PTPRE: variants seen among roughly 807,000 people sequenced by gnomAD.
PTPRE encodes protein tyrosine phosphatase receptor type E.
PTPRE carries 51 observed loss-of-function variants against 102.0 expected under a neutral mutation model. That is an observed-to-expected ratio of 0.50 (90% confidence interval 0.40 to 0.63). The LOEUF (loss-of-function observed/expected upper bound fraction) is 0.63. PTPRE is among the 30% of genes least tolerant of loss of function. The probability of loss-of-function intolerance (pLI) is 0.00; values close to 1 mark genes in which losing one functional copy is unlikely to be tolerated. For missense variants in PTPRE, 752 were observed against 915.1 expected, an observed-to-expected ratio of 0.82 and a Z score of 2.30; for synonymous variants, 345 against 348.2, an observed-to-expected ratio of 0.99 and a Z score of 0.10.
intron 2 of PTPRE, among the ~76,000 whole-genome samples, chr10:128,025,609 T>G (rs1416456514): frequency 6.6e-6 from 1 of 152,182 alleles, no homozygotes; most frequent in Non-Finnish European, 1.5e-5. Flanking sequence ...AGCTTCTCCA[T>G]GCAGCCTCAT....
intron 17 of PTPRE, among the ~76,000 whole-genome samples, chr10:128,073,873 C>T (rs1323504388): frequency 1.3e-5 from 2 of 152,146 alleles, no homozygotes; most frequent in Non-Finnish European, 2.9e-5. Flanking sequence ...ATAACTACTG[C>T]TGTGTATTTG....
At chr10:128,077,837 C>T in intron 19 of PTPRE, 54 bp downstream of exon 19, 2 of 1,537,596 alleles carry the variant, frequency 1.3e-6, no homozygotes, top group Non-Finnish European at 8.8e-7. Context: ...CTGCACCCCC[C>T]CAGTACCCGC....
At chr10:127,964,641 C>T (rs1289671211) in intron 1 of PTPRE, among the ~76,000 whole-genome samples, 3 of 151,112 alleles carry the variant, frequency 2.0e-5, no homozygotes, top group Non-Finnish European at 4.4e-5. Context: ...ATTAATAAGT[C>T]TCACTGTCTC....
intron 6 of PTPRE, among the ~76,000 whole-genome samples, chr10:128,055,092 G>A (rs1027387427): frequency 2.6e-5 from 4 of 152,128 alleles, no homozygotes; most frequent in African/African-American, 7.2e-5. Flanking sequence ...AGATGACCCA[G>A]CTCCTTCCAC....
At position 127,921,681 on chromosome 10, in the gene PTPRE, G is replaced by A. The variant is rs139024681; in HGVS notation, c.-31+14372G>A. ...CCTCAGAGTCACAGGGGAGGTTCCCGAGAGCCTCCTGCTTGGACCCTGCTC... is the reference window on the plus strand; with the variant it reads ...CCTCAGAGTCACAGGGGAGGTTCCCAAGAGCCTCCTGCTTGGACCCTGCTC... On this transcript the variant is annotated intron_variant, in intron 1 of 20. Transcript: ENST00000254667. Among the ~76,000 whole-genome samples, 1,164 of 152,294 alleles carry A rather than the reference G, an allele frequency of 7.6e-3. 6 individuals carry two copies. Among genetic ancestry groups the A allele is most frequent in the Admixed American group, 0.014 (217 of 15,296 alleles).
chr10:128,023,055 C>T (rs913103438), intron 2 of PTPRE, among the ~76,000 whole-genome samples: 6 of 152,190 alleles, frequency 3.9e-5, no homozygotes, highest in African/African-American at 1.4e-4. Flanking sequence ...GTTTCAGTTA[C>T]CCACGGTCAA....
chr10:128,036,920 G>T (rs1263119024), intron 2 of PTPRE, among the ~76,000 whole-genome samples: 4 of 152,136 alleles, frequency 2.6e-5, no homozygotes, highest in Non-Finnish European at 5.9e-5. Flanking sequence ...ACCACTCTCC[G>T]GCCGCAAAGG....
At chr10:127,921,786 G>C (rs2135183468) in intron 1 of PTPRE, among the ~76,000 whole-genome samples, 1 of 152,302 alleles carries the variant, frequency 6.6e-6, no homozygotes, top group Non-Finnish European at 1.5e-5. Flanking sequence ...TTCCAAGTGT[G>C]GCCAGGGTGG....
intron 2 of PTPRE, among the ~76,000 whole-genome samples, chr10:128,021,476 G>A (rs1164682599): frequency 2.6e-5 from 4 of 152,226 alleles, no homozygotes; most frequent in Non-Finnish European, 5.9e-5. Context: ...GTAGCCTCAG[G>A]TTGCCTTCAG....
chr10:128,077,577 G>T, intron 18 of PTPRE, 40 bp from the exon 19 acceptor site: 1 of 1,571,484 alleles, frequency 6.4e-7, no homozygotes. Flanking sequence ...CCTGTTCCCC[G>T]GCAGGCAGGC....
chr10:127,945,300 T>C (rs1848547961), intron 1 of PTPRE, among the ~76,000 whole-genome samples: 1 of 152,210 alleles, frequency 6.6e-6, no homozygotes, highest in Admixed American at 6.5e-5. Flanking sequence ...CTTGCGGAAC[T>C]GGCAACTCAA....
chr10:127,913,607 A>C (rs1846012009), intron 1 of PTPRE, among the ~76,000 whole-genome samples: 1 of 152,114 alleles, frequency 6.6e-6, no homozygotes, highest in Non-Finnish European at 1.5e-5. Context: ...TGCGGTGCAG[A>C]CTGGTTTGCT....
At chr10:127,950,954 G>A (rs922295078) in intron 1 of PTPRE, among the ~76,000 whole-genome samples, 31 of 151,998 alleles carry the variant, frequency 2.0e-4, no homozygotes, top group African/African-American at 6.8e-4. Flanking sequence ...AAAATTAGCC[G>A]GGCATCGTGG....
chr10:127,907,358 C>CA lies in PTPRE; in HGVS notation c.-31+50dup. The CA allele has an allele frequency of 1.0e-6, 1 of 983,646 alleles. No homozygotes were observed. The highest frequency in any genetic ancestry group is 1.2e-6 in the Non-Finnish European group (1 of 828,800). 60.9% of individuals were successfully genotyped at this position (983,646 alleles called of 1,614,324 possible). On this transcript the variant is annotated intron_variant, in intron 1 of 20. Coordinates refer to ENST00000254667, the MANE Select transcript of PTPRE (RefSeq NM_006504.6). This position sits in a 1 kb window ranked among gnomAD's most constrained non-coding sequence, Gnocchi z 4.8. ...CCCTGCGCCCCTGTGGGGAACTGTG[C>CA]ACCCCGGGAGGCCCAAGCAGGCCGG... is the stretch of plus-strand genomic sequence containing the variant.
chr10:127,945,337 G>A (rs777456940), intron 1 of PTPRE, among the ~76,000 whole-genome samples: 31 of 152,188 alleles, frequency 2.0e-4, no homozygotes, highest in Non-Finnish European at 4.0e-4. Flanking sequence ...GGGCAAGCAG[G>A]TAGAGGAGAA....
At chr10:128,021,214 G>T (rs535976501) in intron 2 of PTPRE, among the ~76,000 whole-genome samples, 4 of 152,060 alleles carry the variant, frequency 2.6e-5, no homozygotes, top group Non-Finnish European at 4.4e-5. Context: ...TTTTTCAGGT[G>T]GGATGGTGGT....
intron 6 of PTPRE, 35 bp from the exon 7 acceptor site, chr10:128,056,088 A>G: frequency 6.6e-7 from 1 of 1,508,848 alleles, no homozygotes; most frequent in Non-Finnish European, 9.2e-7. Context: ...GCTTGAATCC[A>G]TCACATTTCA....
chr10:127,966,271 C>T (rs1048708133), intron 1 of PTPRE, among the ~76,000 whole-genome samples: 29 of 152,148 alleles, frequency 1.9e-4, no homozygotes, highest in African/African-American at 1.2e-4. Context: ...TGGAGCCCTC[C>T]GGACACAACA....
chr10:128,040,924 C>A lies in PTPRE; in HGVS notation c.43C>A (p.Pro15Thr). 1 of 1,614,072 alleles carries A rather than the reference C, an allele frequency of 6.2e-7. No individual in the cohort carries two copies. The highest frequency in any genetic ancestry group is 1.1e-5 in the South Asian group (1 of 91,072). ...CPLLLVGFSL[P>T]LARALRGNET... is the part of the protein sequence containing the mutation. ...ACTCCTGCTGGTGGGTTTTAGCTTG[C>A]CGCTCGCCAGGGCTCTCAGGGGCAA... Residue 15 changes from proline to threonine, a missense_variant, in exon 3 of 21, where the codon CCG (proline) becomes ACG (threonine). Around this residue, in one of 2 missense-constraint regions of PTPRE, gnomAD observed 116 missense variants for 90.8 expected, o/e 1.28. Transcript: ENST00000254667.
Sources: gnomAD v4.1 joint callset for allele counts (sites outside exome capture counted in the v4.1 genomes callset) on GRCh38, gnomAD v4.1.1 for gene constraint, gnomAD v4.1.1 regional missense constraint, Gnocchi (gnomAD v3.1) non-coding constraint, MANE v1.5 for transcripts, NCBI Gene and HGNC (gene_info 2026-07-23, HGNC 2026-07-21) for gene names.